The following FLNB variants were observed in gnomAD, a reference collection of about 807,000 sequenced individuals.
FLNB encodes the protein filamin-B.
In FLNB, 111 loss-of-function variants were observed where a neutral mutation model predicts 250.6. The ratio of observed to expected loss-of-function variants is 0.44; its 90% CI spans 0.38 to 0.52. The LOEUF (loss-of-function observed/expected upper bound fraction) is 0.52, where lower values mean the gene tolerates loss of function less well. Ranked by LOEUF, FLNB falls within the 20% of genes least tolerant of loss-of-function variation. The pLI is 0.00. For synonymous variants in FLNB, 1,302 were observed against 1,372.1 expected (o/e 0.95, Z 1.13); for missense variants, 2,869 against 3,447.8 (o/e 0.83, Z 4.20).
intron 1 of FLNB, among the ~76,000 whole-genome samples, chr3:58,023,049 C>G (rs1012791023): frequency 6.6e-6 from 1 of 150,932 alleles, no homozygotes; most frequent in Non-Finnish European, 1.5e-5. Context: ...CTCCTGATCT[C>G]GAGATCCACC....
intron 7 of FLNB, 85 bp from the exon 8 acceptor site, chr3:58,098,626 C>G: frequency 2.3e-6 from 3 of 1,309,390 alleles, no homozygotes; most frequent in Non-Finnish European, 3.3e-6. Flanking sequence ...AGCCACCACA[C>G]TGGTCCTGTT....
chr3:58,041,527 C>T (rs530600012), intron 1 of FLNB, among the ~76,000 whole-genome samples: 3 of 152,064 alleles, frequency 2.0e-5, no homozygotes, highest in Non-Finnish European at 4.4e-5. Flanking sequence ...TCCCCACCAA[C>T]CACCACCACC....
intron 3 of FLNB, among the ~76,000 whole-genome samples, chr3:58,079,346 G>A (rs1576679939): frequency 6.6e-6 from 1 of 150,838 alleles, no homozygotes; most frequent in Non-Finnish European, 1.5e-5. Flanking sequence ...TCTGCCTCCC[G>A]GGTTCAAGCA....
intron 4 of FLNB, among the ~76,000 whole-genome samples, chr3:58,092,787 C>T (rs972545555): frequency 1.3e-5 from 2 of 152,198 alleles, no homozygotes; most frequent in African/African-American, 2.4e-5. Flanking sequence ...TATAGTCTCA[C>T]AGCTAAAGAA....
chr3:58,121,315 A>G lies in FLNB; in HGVS notation c.2938A>G (p.Thr980Ala). 6.2e-7 allele frequency: 1 copy of G among 1,614,130 alleles called. No homozygotes were observed. The highest frequency in any genetic ancestry group is 8.5e-7 in the Non-Finnish European group (1 of 1,180,016). ...AGGAGGCCAGGGGAAGCTGGACGTG[A>G]CAATCCTCAGCCCCTCTCGGAAGGT... ...GAGGQGKLDVTILSPSRKVVP... is the reference protein window; with the variant it reads ...GAGGQGKLDVAILSPSRKVVP... Residue 980 changes from threonine to alanine, a missense_variant, in exon 20 of 46, where the codon ACA (threonine) becomes GCA (alanine). Around this residue, in one of 5 missense-constraint regions of FLNB, gnomAD observed 1,348 missense variants for 1,466.7 expected, o/e 0.92. Transcript: ENST00000295956.
chr3:58,060,353 T>C (rs1452132926), intron 1 of FLNB, among the ~76,000 whole-genome samples: 1 of 63,858 alleles, frequency 1.6e-5, no homozygotes, highest in African/African-American at 6.2e-5. Context: ...CCTGTCTCTC[T>C]TTTTTTTTTT....
At chr3:58,138,138 G>A (rs570929939) in intron 28 of FLNB, 144 bp from the exon 29 acceptor site, 52 of 1,024,010 alleles carry the variant, frequency 5.1e-5, no homozygotes, top group Non-Finnish European at 7.4e-5. Flanking sequence ...CCTGATCAGG[G>A]GATCTTTGGG....
intron 17 of FLNB, 93 bp from the exon 18 acceptor site, chr3:58,112,056 A>G: frequency 7.5e-7 from 1 of 1,324,942 alleles, no homozygotes; most frequent in South Asian, 1.2e-5. Flanking sequence ...GGCTGTCATA[A>G]TAGACCTGGT....
chr3:58,073,691 G>T (rs1045077861), intron 1 of FLNB, among the ~76,000 whole-genome samples: 6 of 151,776 alleles, frequency 4.0e-5, no homozygotes, highest in African/African-American at 1.2e-4. Context: ...CCTCTGCTCC[G>T]GGTCTCACGA....
At chr3:58,124,112 G>A (rs529300406) in intron 21 of FLNB, among the ~76,000 whole-genome samples, 6 of 152,144 alleles carry the variant, frequency 3.9e-5, no homozygotes, top group South Asian at 2.1e-4. Context: ...CCTCGAGCCC[G>A]GTGTGAGCAG....
Position 58,146,896 on chromosome 3 carries a change from A to G in FLNB, c.5631A>G (p.Thr1877=). The G allele has an allele frequency of 6.2e-7, 1 of 1,614,220 alleles. No individual in the cohort carries two copies. The stretch of plus-strand genomic sequence containing the variant: ...TTGACAATAAAGATGGGACATGCAC[A>G]GTGACCTACCTGCCGACTCTGCCAG... ...SCIDNKDGTC[T]VTYLPTLPGD... The change falls in exon 34 of 46, where the codon ACA becomes ACG. Residue 1877 remains threonine, a synonymous_variant. Transcript: ENST00000295956.
chr3:58,046,474 C>T (rs555399349), intron 1 of FLNB, among the ~76,000 whole-genome samples: 1 of 144,554 alleles, frequency 6.9e-6, no homozygotes, highest in Non-Finnish European at 1.5e-5. Context: ...TTTTTGGAGA[C>T]GGAGTCTTAC....
At position 58,126,717 on chromosome 3, in the gene FLNB, G is replaced by C; in HGVS notation, c.4177G>C (p.Gly1393Arg). ...TGCTGAGTACATTCCTTTCGCACCGGGGGATTACGATGTTAATATCACATA... is the reference window on the plus strand; with the variant it reads ...TGCTGAGTACATTCCTTTCGCACCGCGGGATTACGATGTTAATATCACATA... ...CSAEYIPFAPGDYDVNITYGG... is the reference protein window; with the variant it reads ...CSAEYIPFAPRDYDVNITYGG... The change falls in exon 24 of 46, where the codon GGG (glycine) becomes CGG (arginine). Residue 1393 changes from glycine to arginine, a missense_variant. Coordinates refer to ENST00000295956, the MANE Select transcript of FLNB (RefSeq NM_001457.4). The C allele has an allele frequency of 1.2e-6, 2 of 1,613,996 alleles. No homozygotes were observed. The highest frequency in any genetic ancestry group is 1.7e-6 in the Non-Finnish European group (2 of 1,179,914).
At chr3:58,155,050 A>T in intron 40 of FLNB, 122 bp downstream of exon 40, 1 of 942,488 alleles carries the variant, frequency 1.1e-6, no homozygotes, top group Non-Finnish European at 1.7e-6. Flanking sequence ...GGCACATGGG[A>T]CAGCCTCCTA....
intron 6 of FLNB, among the ~76,000 whole-genome samples, chr3:58,096,760 C>G (rs1177842741): frequency 6.6e-6 from 1 of 152,222 alleles, no homozygotes; most frequent in Non-Finnish European, 1.5e-5. Flanking sequence ...CCTCCTGCCT[C>G]AGCCTCCCAA....
At chr3:58,114,688 T>A (rs962720267) in intron 18 of FLNB, among the ~76,000 whole-genome samples, 1 of 148,820 alleles carries the variant, frequency 6.7e-6, no homozygotes, top group Admixed American at 6.7e-5. Context: ...ACATCCTTGC[T>A]AACATTTGTT....
chr3:58,098,830 C>G lies in FLNB; in HGVS notation c.1267C>G (p.Pro423Ala), dbSNP rs755517689. ...VYRCVYKPMQ[P>A]GPHVVKIFFA... ...TCGATGTGTGTACAAACCCATGCAG[C>G]CTGGCCCTCACGTGGTCAAGATCTT... The change falls in exon 8 of 46, where the codon CCT becomes GCT. Residue 423 changes from proline to alanine, a missense_variant. Coordinates refer to ENST00000295956, the MANE Select transcript of FLNB (RefSeq NM_001457.4). 6 of 1,614,012 alleles carry G rather than the reference C, an allele frequency of 3.7e-6. No homozygotes were observed. Among genetic ancestry groups the G allele is most frequent in the African/African-American group, 1.3e-5 (1 of 74,896 alleles).
intron 4 of FLNB, among the ~76,000 whole-genome samples, chr3:58,087,497 A>G (rs865889410): frequency 1.3e-5 from 2 of 151,696 alleles, no homozygotes; most frequent in African/African-American, 2.4e-5. Context: ...TCTGTCGCCC[A>G]GGCTGGAGTG....
At position 58,009,709 on chromosome 3, in the gene FLNB, G is replaced by T. The variant is rs148792701; in HGVS notation, c.292+853G>T. Among the ~76,000 whole-genome samples the T allele has an allele frequency of 1.8e-3, 269 of 152,308 alleles. 1 individual carries two copies. Among genetic ancestry groups the T allele is most frequent in the African/African-American group, 5.9e-3 (244 of 41,552 alleles). ...TAATTGACCTGTCCAAGGTCAGCAA[G>T]TAGGGCCCAGCTGAGAACTGAAGGA... On this transcript the variant is annotated intron_variant, in intron 1 of 45. Transcript: ENST00000295956.
Sources: allele counts gnomAD v4.1 joint callset (sites outside exome capture counted in the v4.1 genomes callset), GRCh38; gene constraint gnomAD v4.1.1; regional missense constraint gnomAD v4.1.1; transcripts MANE v1.5; gene names NCBI Gene and HGNC (gene_info 2026-07-23, HGNC 2026-07-21).